PCDHA9: variants seen among roughly 807,000 people sequenced by gnomAD.
PCDHA9 encodes protocadherin alpha-9.
In PCDHA9, 62 loss-of-function variants were observed where a neutral mutation model predicts 62.0. That is an observed-to-expected ratio of 1.00 (90% CI 0.81 to 1.23). The LOEUF is 1.23. PCDHA9 is among the 50% of genes most tolerant of loss of function. PCDHA9 has a pLI of 0.00. For synonymous variants in PCDHA9, 557 were observed against 567.6 expected, an observed-to-expected ratio of 0.98 and a Z score of 0.27; for missense variants, 1,205 against 1,249.8, an observed-to-expected ratio of 0.96 and a Z score of 0.54.
At chr5:140,940,987 T>A (rs1239979893) in intron 1 of PCDHA9, among the ~76,000 whole-genome samples, 2 of 152,190 alleles carry the variant, frequency 1.3e-5, no homozygotes, top group African/African-American at 4.8e-5. Flanking sequence ...TAGTTACAAG[T>A]TTATAGGATT....
intron 1 of PCDHA9, chr5:140,860,741 A>G (rs1051390184): frequency 2.0e-5 from 3 of 152,018 alleles, no homozygotes; most frequent in Non-Finnish European, 2.9e-5. Context: ...TTTGTTTTTT[A>G]TTTTTTATTT....
chr5:140,877,335 G>T, intron 1 of PCDHA9: 2 of 1,613,978 alleles, frequency 1.2e-6, no homozygotes, highest in Non-Finnish European at 1.7e-6. Context: ...CGCACATCCC[G>T]TTCCACGTGG....
At chr5:140,925,138 CA>C (rs2153576707) in intron 1 of PCDHA9, among the ~76,000 whole-genome samples, 1 of 151,676 alleles carries the variant, frequency 6.6e-6, no homozygotes, top group South Asian at 2.1e-4. Flanking sequence ...AAATTTCAAA[CA>C]TACACAAAAG....
chr5:140,871,433 T>C (rs2053076165), intron 1 of PCDHA9: 3 of 1,612,290 alleles, frequency 1.9e-6, no homozygotes, highest in Non-Finnish European at 2.5e-6. Flanking sequence ...AGTCTTCCTC[T>C]AGGTCTGAAT....
intron 1 of PCDHA9, chr5:140,871,599 TG>T (rs1554165773): frequency 6.9e-7 from 1 of 1,447,790 alleles, no homozygotes; most frequent in Admixed American, 2.7e-5. Flanking sequence ...GAATAACCAG[TG>T]TTTTGAATAT....
intron 1 of PCDHA9, chr5:140,855,784 A>T: frequency 2.4e-6 from 1 of 425,516 alleles, no homozygotes; most frequent in Non-Finnish European, 4.2e-6. Flanking sequence ...TACGTAAAAA[A>T]AGAATTAACA....
chr5:140,889,766 A>T (rs2062380294), intron 1 of PCDHA9, among the ~76,000 whole-genome samples: 1 of 152,064 alleles, frequency 6.6e-6, no homozygotes, highest in Non-Finnish European at 1.5e-5. Flanking sequence ...TTGAACTTTG[A>T]CTGGTCTTAA....
At chr5:140,928,309 G>C in intron 1 of PCDHA9, 1 of 1,614,124 alleles carries the variant, frequency 6.2e-7, no homozygotes, top group Non-Finnish European at 8.5e-7. Flanking sequence ...CCAGGACCCC[G>C]ACCTGGGGAA....
At chr5:140,879,653 AACAAACGAAC>A (rs1168940497) in intron 1 of PCDHA9, among the ~76,000 whole-genome samples, 1 of 152,232 alleles carries the variant, frequency 6.6e-6, no homozygotes, top group African/African-American at 2.4e-5. Flanking sequence ...TGGCTGCTAT[AACAAACGAAC>A]ACAAACTGGG....
chr5:140,902,316 G>C (rs2069370797), intron 1 of PCDHA9, among the ~76,000 whole-genome samples: 1 of 151,402 alleles, frequency 6.6e-6, no homozygotes, highest in Non-Finnish European at 1.5e-5. Context: ...GGGATTACAG[G>C]TGTAACTCAC....
chr5:140,892,069 A>G (rs1554185062), intron 1 of PCDHA9, among the ~76,000 whole-genome samples: 3 of 152,208 alleles, frequency 2.0e-5, no homozygotes, highest in Non-Finnish European at 2.9e-5. Flanking sequence ...GTTACTTTGT[A>G]TAATTTCTAG....
chr5:140,876,801 G>A lies in PCDHA9; in HGVS notation c.2394+25912G>A, dbSNP rs1015597244. 3.1e-6 allele frequency: 5 copies of A among 1,614,114 alleles called. No homozygotes were observed. The African/African-American group carries it at 6.7e-5, about 22-fold the overall frequency. On this transcript the variant is annotated intron_variant, in intron 1 of 3. Transcript: ENST00000532602. ...TGTGGGCCACGGCTAGAGTGTCCGT[G>A]GAGGTGGCCGACGTGAACGACAATG...
chr5:140,982,362 A>ATTCTGCTC, intron 2 of PCDHA9, 113 bp from the exon 3 acceptor site: 1 of 1,531,968 alleles, frequency 6.5e-7, no homozygotes, highest in Non-Finnish European at 8.8e-7. Context: ...GCATGAGCAG[A>ATTCTGCTC]ATGTGTTAGC....
intron 1 of PCDHA9, among the ~76,000 whole-genome samples, chr5:140,905,999 G>T (rs781796509): frequency 1.3e-5 from 2 of 152,140 alleles, no homozygotes; most frequent in Non-Finnish European, 2.9e-5. Flanking sequence ...AGGCTGGGAG[G>T]CTAAGCCAGT....
intron 1 of PCDHA9, among the ~76,000 whole-genome samples, chr5:140,886,289 T>C (rs115070123): frequency 0.081 from 12,299 of 152,020 alleles, 542 homozygotes; most frequent in Middle Eastern, 0.13. Context: ...ATTATTTTTA[T>C]ATTTATTTAT....
Position 140,849,936 on chromosome 5 carries a change from G to C in PCDHA9, c.1441G>C (p.Asp481His), listed in dbSNP as rs2041236618. The C allele has an allele frequency of 2.5e-6, 4 of 1,598,080 alleles. 1 individual carries two copies. Among genetic ancestry groups the C allele is most frequent in the Non-Finnish European group, 3.4e-6 (4 of 1,167,760 alleles). Residue 481 changes from aspartate (D) to histidine (H), a missense_variant, in exon 1 of 4, where the codon GAC becomes CAC. Around this residue, in one of 3 missense-constraint regions of PCDHA9, gnomAD observed 887 missense variants for 809.5 expected, o/e 1.10. Transcript: ENST00000532602. ...CCACATCTTCACGGTGTCTGCGCGG[G>C]ACGCTGACGCGCAGGAGAACGCCCT... ...GCHIFTVSAR[D>H]ADAQENALVS...
At chr5:140,857,465 ATCT>A in intron 1 of PCDHA9, 1 of 1,598,478 alleles carries the variant, frequency 6.3e-7, no homozygotes, top group Non-Finnish European at 8.6e-7. Context: ...AGGCTGCCAC[ATCT>A]TCACGGTGTC....
At chr5:140,974,291 A>G (rs1417274006) in intron 1 of PCDHA9, among the ~76,000 whole-genome samples, 1 of 152,196 alleles carries the variant, frequency 6.6e-6, no homozygotes, top group Admixed American at 6.5e-5. Context: ...CTGGGCTCCA[A>G]GGAGGTACAA....
intron 3 of PCDHA9, among the ~76,000 whole-genome samples, chr5:140,993,754 A>T (rs1253767297): frequency 6.6e-6 from 1 of 152,170 alleles, no homozygotes; most frequent in African/African-American, 2.4e-5. Context: ...ACTTGCCATT[A>T]TATTACAATT....
Sources: gnomAD v4.1 joint callset for allele counts (sites outside exome capture counted in the v4.1 genomes callset) on GRCh38, gnomAD v4.1.1 for gene constraint, gnomAD v4.1.1 regional missense constraint, MANE v1.5 for transcripts, NCBI Gene and HGNC (gene_info 2026-07-23, HGNC 2026-07-21) for gene names.